Variants in ZBTB20 observed in about 807,000 individuals in gnomAD.
ZBTB20 encodes zinc finger and BTB domain-containing protein 20.
Under a neutral mutation model 56.9 loss-of-function variants are expected in ZBTB20, and 9 were observed. The observed-to-expected ratio is 0.16, with a 90% CI of 0.10 to 0.28. The LOEUF (loss-of-function observed/expected upper bound fraction) is 0.28. Among genes scored for constraint, ZBTB20 ranks in the 10% least tolerant of loss-of-function variants. The pLI, the probability that ZBTB20 is intolerant of heterozygous loss-of-function variation, is 1.00. For synonymous variants in ZBTB20, 417 were observed against 420.7 expected, an observed-to-expected ratio of 0.99 and a Z score of 0.11; for missense variants, 655 against 1,003.0, an observed-to-expected ratio of 0.65 and a Z score of 4.69.
intron 4 of ZBTB20, among the ~76,000 whole-genome samples, chr3:114,817,382 G>A (rs187871398): frequency 2.0e-5 from 3 of 152,066 alleles, no homozygotes; most frequent in Admixed American, 6.5e-5. Flanking sequence ...GCCAGGCATG[G>A]TGGCACATGC....
At chr3:114,392,319 G>A (rs1336662503) in intron 7 of ZBTB20, among the ~76,000 whole-genome samples, 1 of 152,092 alleles carries the variant, frequency 6.6e-6, no homozygotes, top group Non-Finnish European at 1.5e-5. Flanking sequence ...TGCTTAAGAG[G>A]ATATATGCCC....
intron 3 of ZBTB20, among the ~76,000 whole-genome samples, chr3:114,965,617 T>C (rs1231422098): frequency 6.6e-6 from 1 of 152,200 alleles, no homozygotes; most frequent in Non-Finnish European, 1.5e-5. Flanking sequence ...AGCATTTTCT[T>C]TTTTAAAGAT....
chr3:114,562,728 T>C (rs1392815342), intron 6 of ZBTB20, among the ~76,000 whole-genome samples: 1 of 152,168 alleles, frequency 6.6e-6, no homozygotes, highest in South Asian at 2.1e-4. Flanking sequence ...TTAGAGGTCA[T>C]TGCCGGGTTA....
intron 6 of ZBTB20, among the ~76,000 whole-genome samples, chr3:114,627,450 A>G (rs756427364): frequency 3.3e-5 from 5 of 152,244 alleles, no homozygotes; most frequent in Non-Finnish European, 7.3e-5. Flanking sequence ...TTAATAGACG[A>G]TAATTCTTAC....
intron 1 of ZBTB20, among the ~76,000 whole-genome samples, chr3:115,084,981 T>C (rs2082932749): frequency 6.6e-6 from 1 of 152,002 alleles, no homozygotes; most frequent in Non-Finnish European, 1.5e-5. Flanking sequence ...TTTGTTGTTG[T>C]TGTTGTTGTT....
rs1459898241 is a variant in ZBTB20, at chr3:114,334,818, T to G, written c.*4187A>C. 5 of 152,200 alleles carry G rather than the reference T, an allele frequency of 3.3e-5. No individual in the cohort carries two copies. The highest frequency in any genetic ancestry group is 2.6e-4 in the Admixed American group (4 of 15,280). 9.4% of individuals were successfully genotyped at this position (152,200 alleles called of 1,614,324 possible). A position where few individuals can be genotyped will look rare whatever the true frequency, so the allele number is the denominator to read the frequency against. ...AGAGAACGGTCTATAAAACTGTTAT[T>G]AGGAGCTAAAGTTTACCTCTCAATT... On this transcript the variant is annotated 3_prime_UTR_variant, in exon 12 of 12. Transcript: ENST00000675478.
chr3:114,589,740 C>T (rs1560002373), intron 6 of ZBTB20, among the ~76,000 whole-genome samples: 1 of 152,176 alleles, frequency 6.6e-6, no homozygotes, highest in Non-Finnish European at 1.5e-5. Flanking sequence ...CCTGTGAACA[C>T]TCTTTAGCAA....
intron 7 of ZBTB20, among the ~76,000 whole-genome samples, chr3:114,472,043 G>T (rs1198395478): frequency 1.3e-5 from 2 of 152,166 alleles, no homozygotes; most frequent in Non-Finnish European, 2.9e-5. Flanking sequence ...GGGCACCAAA[G>T]ATAATTTTAT....
At chr3:114,597,824 AAT>A (rs1440455255) in intron 6 of ZBTB20, among the ~76,000 whole-genome samples, 10 of 152,136 alleles carry the variant, frequency 6.6e-5, no homozygotes. Context: ...TCAAATATTC[AAT>A]AGAGGTTTTG....
chr3:114,974,159 A>G (rs2078004955), intron 3 of ZBTB20, among the ~76,000 whole-genome samples: 1 of 152,042 alleles, frequency 6.6e-6, no homozygotes. Context: ...TGAAATATTC[A>G]GAAAGAGTAT....
chr3:114,755,479 T>G (rs551929286), intron 5 of ZBTB20, among the ~76,000 whole-genome samples: 79 of 152,280 alleles, frequency 5.2e-4, no homozygotes, highest in Middle Eastern at 3.4e-3. Flanking sequence ...CAACATTGAT[T>G]CAAGAGGTTT....
At chr3:114,931,883 A>G (rs1358415875) in intron 3 of ZBTB20, among the ~76,000 whole-genome samples, 4 of 152,190 alleles carry the variant, frequency 2.6e-5, no homozygotes, top group Non-Finnish European at 4.4e-5. Context: ...TAATACAAAA[A>G]CTTTAAATTA....
chr3:114,864,785 G>GT (rs1359658575), intron 4 of ZBTB20, among the ~76,000 whole-genome samples: 1 of 152,062 alleles, frequency 6.6e-6, no homozygotes, highest in African/African-American at 2.4e-5. Context: ...ATACAAAAGT[G>GT]TTAAGACTGA....
chr3:115,043,263 A>T (rs909030076), intron 2 of ZBTB20, among the ~76,000 whole-genome samples: 4 of 152,142 alleles, frequency 2.6e-5, no homozygotes, highest in African/African-American at 9.7e-5. Context: ...TAATTTGTTT[A>T]AAAAGTAGTT....
chr3:114,844,537 A>AAAAAACAAAC (rs1553843929), intron 4 of ZBTB20, among the ~76,000 whole-genome samples: 1 of 138,848 alleles, frequency 7.2e-6, no homozygotes, highest in African/African-American at 2.6e-5. Flanking sequence ...AAAAAAAAAA[A>AAAAAACAAAC]AAAAAAAAAA....
At chr3:114,401,083 G>GAGACACACACACACACAC (rs2086779157) in intron 7 of ZBTB20, among the ~76,000 whole-genome samples, 1 of 133,022 alleles carries the variant, frequency 7.5e-6, no homozygotes, top group East Asian at 2.2e-4. Context: ...CTACCTCCCA[G>GAGACACACACACACACAC]ACACACACAC....
At chr3:114,758,467 C>T (rs763681046) in intron 5 of ZBTB20, among the ~76,000 whole-genome samples, 6 of 152,020 alleles carry the variant, frequency 3.9e-5, no homozygotes, top group Non-Finnish European at 8.8e-5. Flanking sequence ...TAGCTTGGTC[C>T]TAATGAAAAC....
intron 6 of ZBTB20, among the ~76,000 whole-genome samples, chr3:114,547,669 AC>A (rs1216493934): frequency 6.6e-6 from 1 of 151,906 alleles, no homozygotes; most frequent in Non-Finnish European, 1.5e-5. Context: ...TAGGAGTAAT[AC>A]CTCCTTTGCC....
intron 1 of ZBTB20, among the ~76,000 whole-genome samples, chr3:115,111,048 A>AT (rs1174650831): frequency 4.0e-5 from 6 of 150,788 alleles, no homozygotes; most frequent in African/African-American, 9.7e-5. Flanking sequence ...AAATAAATAA[A>AT]AATAAAACAA....
Sources: gnomAD v4.1 joint callset for allele counts (sites outside exome capture counted in the v4.1 genomes callset) on GRCh38, gnomAD v4.1.1 for gene constraint, MANE v1.5 for transcripts, NCBI Gene and HGNC (gene_info 2026-07-23, HGNC 2026-07-21) for gene names.